Variants in CFAP77 observed in about 807,000 individuals in gnomAD.
CFAP77 encodes the protein cilia and flagella associated protein 77, also known as cilia- and flagella-associated protein 77.
Under a neutral mutation model 31.1 loss-of-function variants are expected in CFAP77, and 25 were observed. The observed-to-expected ratio is 0.80, with a 90% CI of 0.59 to 1.12. The LOEUF is 1.12. Ranked by LOEUF, CFAP77 falls within the 50% of genes most tolerant of loss-of-function variation. The pLI is 0.00. For missense variants in CFAP77, 377 were observed against 397.3 expected, an observed-to-expected ratio of 0.95 and a Z score of 0.44; for synonymous variants, 151 against 159.9, an observed-to-expected ratio of 0.94 and a Z score of 0.42.
chr9:132,434,811 A>T (rs1005972286), intron 1 of CFAP77, among the ~76,000 whole-genome samples: 6 of 152,190 alleles, frequency 3.9e-5, no homozygotes, highest in Non-Finnish European at 8.8e-5. Context: ...AGCATTTAAC[A>T]AGTAAATCCA....
intron 3 of CFAP77, among the ~76,000 whole-genome samples, chr9:132,523,697 C>T (rs577680154): frequency 6.6e-6 from 1 of 152,350 alleles, no homozygotes; most frequent in African/African-American, 2.4e-5. Flanking sequence ...TAGGTGAAAC[C>T]TCAGGCTTCC....
chr9:132,538,876 C>T (rs554991267), intron 4 of CFAP77, among the ~76,000 whole-genome samples: 3 of 152,056 alleles, frequency 2.0e-5, no homozygotes, highest in Non-Finnish European at 4.4e-5. Flanking sequence ...TCATGAGGTC[C>T]GGAGATCGAG....
At chr9:132,561,104 C>T (rs770013529) in intron 5 of CFAP77, among the ~76,000 whole-genome samples, 3 of 152,178 alleles carry the variant, frequency 2.0e-5, no homozygotes, top group Non-Finnish European at 4.4e-5. Flanking sequence ...TGCTCTCCCA[C>T]GATGTCCTAC....
rs750691279 is a variant in CFAP77 at position 132,529,507 on chromosome 9, T to TA, written c.525-8082dup. Among the ~76,000 whole-genome samples the TA allele has an allele frequency of 2.5e-3, 275 of 108,728 alleles. 10 individuals are homozygous for TA. Among genetic ancestry groups the TA allele is most frequent in the African/African-American group, 2.9e-3 (87 of 30,018 alleles). The allele number at this position is 108,728 out of a possible 152,430, so 71.3% of individuals were successfully genotyped here. A position where few individuals can be genotyped will look rare whatever the true frequency, so the allele number is the denominator to read the frequency against. On this transcript the variant is annotated intron_variant, in intron 3 of 5. Transcript: ENST00000393216. ...ATGTACCCTAAAACTTAGAGTATAA[T>TA]AAAAAAAAAAAACAAAAAAAAAACT...
At chr9:132,522,519 C>CA (rs1340294200) in intron 3 of CFAP77, among the ~76,000 whole-genome samples, 1 of 152,022 alleles carries the variant, frequency 6.6e-6, no homozygotes, top group Non-Finnish European at 1.5e-5. Context: ...CCGCCTGGGG[C>CA]AAAAATCGTT....
chr9:132,551,866 G>C, intron 5 of CFAP77, among the ~76,000 whole-genome samples: 1 of 152,176 alleles, frequency 6.6e-6, no homozygotes, highest in Non-Finnish European at 1.5e-5. Context: ...ATGCGGGCCC[G>C]GGAAGGAAAG....
chr9:132,535,468 T>C (rs1194698747), intron 3 of CFAP77, among the ~76,000 whole-genome samples: 2 of 152,080 alleles, frequency 1.3e-5, no homozygotes, highest in Non-Finnish European at 2.9e-5. Flanking sequence ...TCCCAACACT[T>C]TAGGAGGCCG....
intron 1 of CFAP77, among the ~76,000 whole-genome samples, chr9:132,435,913 T>C (rs998551941): frequency 6.6e-6 from 1 of 152,140 alleles, no homozygotes; most frequent in Admixed American, 6.6e-5. Context: ...TAGATTCTGC[T>C]AAGTGGGATT....
At chr9:132,451,975 T>C (rs1426335178) in intron 1 of CFAP77, among the ~76,000 whole-genome samples, 1 of 151,948 alleles carries the variant, frequency 6.6e-6, no homozygotes, top group Non-Finnish European at 1.5e-5. Context: ...CGACTAATTT[T>C]TTATATTTTT....
intron 1 of CFAP77, among the ~76,000 whole-genome samples, chr9:132,456,330 T>G (rs566913872): frequency 1.8e-4 from 28 of 152,348 alleles, no homozygotes; most frequent in African/African-American, 6.5e-4. Flanking sequence ...CAGCCTCATG[T>G]GCCTTGTCAC....
intron 3 of CFAP77, among the ~76,000 whole-genome samples, chr9:132,516,343 A>C (rs1852146099): frequency 6.6e-6 from 1 of 152,110 alleles, no homozygotes; most frequent in African/African-American, 2.4e-5. Flanking sequence ...ATCCTGAGTG[A>C]GTTATTTAAT....
At chr9:132,544,490 A>ATTTT (rs57022259) in intron 5 of CFAP77, among the ~76,000 whole-genome samples, 1 of 111,886 alleles carries the variant, frequency 8.9e-6, no homozygotes, top group Non-Finnish European at 1.8e-5. Flanking sequence ...CTCACTGCCT[A>ATTTT]TTTTTTTTTT....
chr9:132,419,689 T>C (rs1011769459), intron 1 of CFAP77, among the ~76,000 whole-genome samples: 7 of 152,192 alleles, frequency 4.6e-5, no homozygotes, highest in Non-Finnish European at 1.0e-4. Flanking sequence ...TGGCTTTTTT[T>C]TTCCTTTTTA....
intron 1 of CFAP77, among the ~76,000 whole-genome samples, chr9:132,415,699 T>A (rs1367280192): frequency 6.6e-6 from 1 of 152,190 alleles, no homozygotes; most frequent in Non-Finnish European, 1.5e-5. Context: ...GCTCAAGCGT[T>A]GCTCACTGTA....
intron 1 of CFAP77, among the ~76,000 whole-genome samples, chr9:132,429,722 C>T (rs1429564314): frequency 3.4e-5 from 5 of 146,164 alleles, no homozygotes; most frequent in East Asian, 4.1e-4. Flanking sequence ...CGGACATGGT[C>T]GCGGGTGCCT....
chr9:132,543,519 CA>C (rs113401480), intron 5 of CFAP77, among the ~76,000 whole-genome samples: 8,598 of 152,160 alleles, frequency 0.057, 341 homozygotes, highest in Middle Eastern at 0.16. Flanking sequence ...GGCTGTTCAC[CA>C]GGGGAGGAGG....
At chr9:132,443,713 G>T (rs764870248) in intron 1 of CFAP77, among the ~76,000 whole-genome samples, 1 of 152,168 alleles carries the variant, frequency 6.6e-6, no homozygotes, top group Non-Finnish European at 1.5e-5. Flanking sequence ...AACCCAAGAC[G>T]TAGGAAGCAT....
At chr9:132,492,220 C>T (rs949373187) in intron 1 of CFAP77, among the ~76,000 whole-genome samples, 1 of 152,036 alleles carries the variant, frequency 6.6e-6, no homozygotes, top group African/African-American at 2.4e-5. Flanking sequence ...CCTGGAATGT[C>T]GAGGCTGTAG....
chr9:132,475,800 C>A (rs535258054), intron 1 of CFAP77, among the ~76,000 whole-genome samples: 1 of 152,302 alleles, frequency 6.6e-6, no homozygotes, highest in South Asian at 2.1e-4. Flanking sequence ...CCTCTGCTTT[C>A]TCCTCTACCC....
Sources: gnomAD v4.1 joint callset for allele counts (sites outside exome capture counted in the v4.1 genomes callset) on GRCh38, gnomAD v4.1.1 for gene constraint, MANE v1.5 for transcripts, NCBI Gene and HGNC (gene_info 2026-07-23, HGNC 2026-07-21) for gene names.